PRMT5: variants seen among roughly 807,000 people sequenced by gnomAD.
The protein encoded by PRMT5 is protein arginine methyltransferase 5.
A neutral mutation model predicts 84.0 loss-of-function variants in PRMT5; 15 were observed. The ratio of observed to expected loss-of-function variants is 0.18; its 90% CI spans 0.12 to 0.28. PRMT5 has a LOEUF of 0.28. Ranked by LOEUF, PRMT5 falls within the 10% of genes least tolerant of loss-of-function variation. The pLI is 1.00. For synonymous variants in PRMT5, 276 were observed against 292.4 expected (o/e 0.94, Z 0.57); for missense variants, 486 against 808.0 (o/e 0.60, Z 4.83).
At chr14:22,922,945 TCTC>T (rs2044337122) in intron 13 of PRMT5, 103 bp downstream of exon 13, 1 of 1,400,836 alleles carries the variant, frequency 7.1e-7, no homozygotes, top group African/African-American at 1.4e-5. Flanking sequence ...ATCCCTAACT[TCTC>T]CTTCACCTCT....
chr14:22,928,128 C>T lies in PRMT5; in HGVS notation c.313G>A (p.Ala105Thr). 1.2e-6 allele frequency: 2 copies of T among 1,613,876 alleles called. No individual in the cohort carries two copies. Among genetic ancestry groups the T allele is most frequent in the Non-Finnish European group, 1.7e-6 (2 of 1,179,862 alleles). The change falls in exon 3 of 17, where the codon GCG becomes ACG. Residue 105 changes from alanine to threonine, a missense_variant and splice_region_variant. Physicochemically the swap from Ala to Thr is moderately conservative, Grantham distance 58. Around this residue, in one of 4 missense-constraint regions of PRMT5, gnomAD observed 215 missense variants for 301.1 expected, o/e 0.71. Transcript: ENST00000324366. This position sits in a 1 kb window ranked among gnomAD's most constrained non-coding sequence, Gnocchi z 4.8. ...GCAGAGAAGTCAAACAGTCTTACCG[C>T]CTCGGAGTTCCTGCGAATCTTCTCC... The part of the protein sequence containing the change: ...KVEKIRRNSE[A>T]AMLQELNFGA...
chr14:22,922,240 C>A lies in PRMT5; in HGVS notation c.1697G>T (p.Ser566Ile). ...AGGAGAGTGAGTCTCTGGACGGATA[C>A]CTGTGTGGACAAAATAATGAAAAAA... ...ETVLYQDITL[S>I]IRPETHSPGM... The change falls in exon 16 of 17, where the codon AGT becomes ATT. Residue 566 changes from serine to isoleucine, a missense_variant and splice_region_variant. Coordinates refer to ENST00000324366, the MANE Select transcript of PRMT5 (RefSeq NM_006109.5). The A allele has an allele frequency of 6.3e-7, 1 of 1,593,002 alleles. No individual in the cohort carries two copies. Among genetic ancestry groups the A allele is most frequent in the Non-Finnish European group, 8.6e-7 (1 of 1,160,808 alleles).
chr14:22,922,866 TG>T (rs1360890865), intron 13 of PRMT5, 31 bp from the exon 14 acceptor site: 1 of 1,592,466 alleles, frequency 6.3e-7, no homozygotes, highest in Non-Finnish European at 8.6e-7. Flanking sequence ...GAGAGAGTGT[TG>T]GGGAAGACAC....
intron 7 of PRMT5, among the ~76,000 whole-genome samples, chr14:22,925,267 C>T (rs566274543): frequency 9.9e-5 from 15 of 151,936 alleles, no homozygotes; most frequent in African/African-American, 3.4e-4. Context: ...AGCAATTCTC[C>T]TGCCTCAGCC....
rs115599558 is a variant in PRMT5, at chr14:22,927,568, T to C, written c.408A>G (p.Arg136=). ...LNQEDNTNLA[R]VLTNHIHTGH... is the part of the protein sequence containing the mutation. ...CAGTGTGGATGTGGTTGGTCAAAAC[T>C]CTGGCCAGGTTGGTGTTATCTTCCT... The change falls in exon 4 of 17, where the codon AGA becomes AGG. Residue 136 remains arginine (R), a synonymous_variant. Coordinates refer to ENST00000324366, the MANE Select transcript of PRMT5 (RefSeq NM_006109.5). 1.3e-4 allele frequency: 212 copies of C among 1,613,968 alleles called. No individual in the cohort carries two copies. The African/African-American group carries it at 2.6e-3, about 20-fold the overall frequency.
rs1407322370 is a variant in PRMT5 at position 22,928,116 on chromosome 14, A to G, written c.315+10T>C. The G allele has an allele frequency of 1.9e-6, 3 of 1,611,612 alleles. No homozygotes were observed. The highest frequency in any genetic ancestry group is 1.7e-6 in the Non-Finnish European group (2 of 1,178,748). On this transcript the variant is annotated intron_variant, in intron 3 of 16. Transcript: ENST00000324366. This position sits in a 1 kb window ranked among gnomAD's most constrained non-coding sequence, Gnocchi z 4.8. ...TAGAAAAATCCAGCAGAGAAGTCAA[A>G]CAGTCTTACCGCCTCGGAGTTCCTG...
chr14:22,920,657 GAGTGCGT>G lies in PRMT5; in HGVS notation c.*240_*246del, dbSNP rs2044250164. ...GATATTCCAGGGAGTTCTTGAGGCT[GAGTGCGT>G]AGCTTCAAATCCAGCACTAATTCCT... On this transcript the variant is annotated 3_prime_UTR_variant, in exon 17 of 17. Transcript: ENST00000324366. 2.9e-6 allele frequency: 2 copies of G among 696,788 alleles called. No homozygotes were observed. The highest frequency in any genetic ancestry group is 3.5e-5 in the African/African-American group (2 of 56,906). The allele number at this position is 696,788 out of a possible 1,614,324, so 43.2% of individuals were successfully genotyped here. A position where few individuals can be genotyped will look rare whatever the true frequency, so the allele number is the denominator to read the frequency against.
In PRMT5 at chr14:22,923,904, A is replaced by G; in HGVS notation, c.1375+104T>C. On this transcript the variant is annotated intron_variant, in intron 12 of 16. Transcript: ENST00000324366. This position sits in a 1 kb window ranked among gnomAD's most constrained non-coding sequence, Gnocchi z 5.2. ...AAGCAGTGGCTCTCAAACTCATATG[A>G]TGTGACCCAGGTCCAACCCACTTTC... 1 of 1,293,616 alleles carries G rather than the reference A, an allele frequency of 7.7e-7. No homozygotes were observed. The highest frequency in any genetic ancestry group is 1.1e-6 in the Non-Finnish European group (1 of 947,692). 80.1% of individuals were successfully genotyped at this position (1,293,616 alleles called of 1,614,324 possible).
At position 22,926,926 on chromosome 14, in the gene PRMT5, T is replaced by C. The variant is rs568630251; in HGVS notation, c.451-112A>G. On this transcript the variant is annotated intron_variant, in intron 4 of 16. Transcript: ENST00000324366. ...GACCTCGTTAATCCCTTTATATGCTTTTCCCAATTTGTAATTTTGTAAGTG... is the reference window on the plus strand; with the variant it reads ...GACCTCGTTAATCCCTTTATATGCTCTTCCCAATTTGTAATTTTGTAAGTG... 429 of 706,772 alleles carry C rather than the reference T, an allele frequency of 6.1e-4. 2 individuals are homozygous for C. The African/African-American group carries it at 7.2e-3, about 12-fold the overall frequency. 43.8% of individuals were successfully genotyped at this position (706,772 alleles called of 1,614,324 possible).
chr14:22,927,136 A>G (rs576482923), intron 4 of PRMT5, among the ~76,000 whole-genome samples: 1 of 138,980 alleles, frequency 7.2e-6, no homozygotes, highest in East Asian at 2.1e-4. Flanking sequence ...CCCAGGCTGG[A>G]GTGCAGTGGT....
chr14:22,920,825 A>G lies in PRMT5; in HGVS notation c.*79T>C, dbSNP rs1444567428. On this transcript the variant is annotated 3_prime_UTR_variant, in exon 17 of 17. Transcript: ENST00000324366. ...TGATGGGCAAGGGGAATCACAGCCC[A>G]TAGATGTACTGCACCTTCTGTACTA... 3 of 1,581,348 alleles carry G rather than the reference A, an allele frequency of 1.9e-6. No individual in the cohort carries two copies. The East Asian group carries it at 6.7e-5, about 35-fold the overall frequency.
At position 22,928,612 on chromosome 14, in the gene PRMT5, A is replaced by G. The variant is rs1263568496; in HGVS notation, c.114T>C (p.Phe38=). The G allele has an allele frequency of 1.9e-6, 3 of 1,609,228 alleles. No individual in the cohort carries two copies. Among genetic ancestry groups the G allele is most frequent in the South Asian group, 1.1e-5 (1 of 90,978 alleles). ...DTLGAVAKQG[F]DFLCMPVFHP... The stretch of plus-strand genomic sequence containing the variant: ...GGAAGACAGGCATGCAGAGGAAATC[A>G]AACCTACAACCGCGACAGACCCAGA... Residue 38 remains phenylalanine (F), a synonymous_variant, in exon 2 of 17, where the codon TTT becomes TTC. Transcript: ENST00000324366. The surrounding 1 kb of genome is among the most constrained non-coding windows in gnomAD (Gnocchi z 4.8).
chr14:22,920,568 C>G lies in PRMT5; in HGVS notation c.*336G>C, dbSNP rs1032398773. ...ATAACTTTATTTGTATTTCCTCTTACACAAAACCATCAAAACAAGAACAGA... is the reference window on the plus strand; with the variant it reads ...ATAACTTTATTTGTATTTCCTCTTAGACAAAACCATCAAAACAAGAACAGA... On this transcript the variant is annotated 3_prime_UTR_variant, in exon 17 of 17. Transcript: ENST00000324366. The G allele has an allele frequency of 2.0e-6, 1 of 505,600 alleles. No individual in the cohort carries two copies. Among genetic ancestry groups the G allele is most frequent in the Non-Finnish European group, 3.9e-6 (1 of 253,252 alleles). The allele number at this position is 505,600 out of a possible 1,614,324, so 31.3% of individuals were successfully genotyped here. A position where few individuals can be genotyped will look rare whatever the true frequency, so the allele number is the denominator to read the frequency against.
In PRMT5 at chr14:22,928,330, C is replaced by A; in HGVS notation, c.230-119G>T. ...GAGACAAAGGTTTTTTCTACATAGA[C>A]ATGGGATAGCCTGATGCAGAATAGA... is the stretch of plus-strand genomic sequence containing the variant. On this transcript the variant is annotated intron_variant, in intron 2 of 16. Transcript: ENST00000324366. This position sits in a 1 kb window ranked among gnomAD's most constrained non-coding sequence, Gnocchi z 4.8. 8.2e-7 allele frequency: 1 copy of A among 1,222,280 alleles called. No homozygotes were observed. Among genetic ancestry groups the A allele is most frequent in the Non-Finnish European group, 1.2e-6 (1 of 837,410 alleles). 75.7% of individuals were successfully genotyped at this position (1,222,280 alleles called of 1,614,324 possible).
rs202120921 is a variant in PRMT5 at position 22,928,117 on chromosome 14, C to G, written c.315+9G>C. ...AGAAAAATCCAGCAGAGAAGTCAAA[C>G]AGTCTTACCGCCTCGGAGTTCCTGC... On this transcript the variant is annotated intron_variant, in intron 3 of 16. Transcript: ENST00000324366. The surrounding 1 kb of genome is among the most constrained non-coding windows in gnomAD (Gnocchi z 4.8). 462 of 1,611,700 alleles carry G rather than the reference C, an allele frequency of 2.9e-4. No individual in the cohort carries two copies. Among genetic ancestry groups the G allele is most frequent in the Non-Finnish European group, 3.5e-4 (411 of 1,178,778 alleles).
At position 22,924,141 on chromosome 14, in the gene PRMT5, G is replaced by A. The variant is rs140323472; in HGVS notation, c.1242C>T (p.Thr414=). The A allele has an allele frequency of 7.4e-6, 12 of 1,612,720 alleles. No homozygotes were observed. The highest frequency in any genetic ancestry group is 2.2e-5 in the East Asian group (1 of 44,872). ...WQFEEWGSQV[T]VVSSDMREWV... ...ATTCCCTCATGTCTGATGAGACTAC[G>A]GTCACTTGGCTTCCCCATTCTTCAA... Residue 414 remains threonine (T), a synonymous_variant, in exon 12 of 17, where the codon ACC becomes ACT. Transcript: ENST00000324366. This position sits in a 1 kb window ranked among gnomAD's most constrained non-coding sequence, Gnocchi z 6.5.
Position 22,923,494 on chromosome 14 carries a change from A to ATATTTATTTATTTATTTATTTATT in PRMT5, c.1376-358_1376-335dup, listed in dbSNP as rs72266907. 4.0e-5 allele frequency: 6 copies of ATATTTATTTATTTATTTATTTATT among 148,256 alleles called. No individual in the cohort carries two copies. Among genetic ancestry groups the ATATTTATTTATTTATTTATTTATT allele is most frequent in the African/African-American group, 1.5e-4 (6 of 39,526 alleles). 9.2% of individuals were successfully genotyped at this position (148,256 alleles called of 1,614,324 possible). A position where few individuals can be genotyped will look rare whatever the true frequency, so the allele number is the denominator to read the frequency against. On this transcript the variant is annotated intron_variant, in intron 12 of 16. Coordinates refer to ENST00000324366, the MANE Select transcript of PRMT5 (RefSeq NM_006109.5). This position sits in a 1 kb window ranked among gnomAD's most constrained non-coding sequence, Gnocchi z 5.2. ...AAGCTAAGCTCAGGGTACATATGTC[A>ATATTTATTTATTTATTTATTTATT]TATTTATTTATTTATTTATTTATTT...
rs148313519 is a variant in PRMT5, at chr14:22,926,119, C to G, written c.777+14G>C. ...GTATAGCTGGACTACCTTTAGAACC[C>G]TCCTACCACTCACCTTGAGGAGCCG... On this transcript the variant is annotated intron_variant, in intron 7 of 16. Coordinates refer to ENST00000324366, the MANE Select transcript of PRMT5 (RefSeq NM_006109.5). 12,687 of 1,597,928 alleles carry G rather than the reference C, an allele frequency of 7.9e-3. 71 individuals carry two copies. The highest frequency in any genetic ancestry group is 8.7e-3 in the Non-Finnish European group (10,140 of 1,165,510).
At position 22,927,648 on chromosome 14, in the gene PRMT5, C is replaced by T. The variant is rs1433171038; in HGVS notation, c.328G>A (p.Glu110Lys). ...CCCAAATATGCACCAAAATTCAGCT[C>T]CTGTAACATGGCCTGGAACGGAGAT... Reference protein sequence around the residue: ...RRNSEAAMLQELNFGAYLGLP... With the variant: ...RRNSEAAMLQKLNFGAYLGLP... The change falls in exon 4 of 17, where the codon GAG (glutamate) becomes AAG (lysine). Residue 110 changes from glutamate to lysine, a missense_variant. Coordinates refer to ENST00000324366, the MANE Select transcript of PRMT5 (RefSeq NM_006109.5). The T allele has an allele frequency of 6.2e-7, 1 of 1,613,528 alleles. No individual in the cohort carries two copies. Among genetic ancestry groups the T allele is most frequent in the African/African-American group, 1.3e-5 (1 of 74,778 alleles).
Sources: allele counts gnomAD v4.1 joint callset (sites outside exome capture counted in the v4.1 genomes callset), GRCh38; gene constraint gnomAD v4.1.1; regional missense constraint gnomAD v4.1.1; non-coding constraint Gnocchi (gnomAD v3.1); transcripts MANE v1.5; gene names NCBI Gene and HGNC (gene_info 2026-07-23, HGNC 2026-07-21).